Variants in PIWIL1 observed in about 807,000 individuals in gnomAD.
The protein encoded by PIWIL1 is piwi like RNA-mediated gene silencing 1, also known as piwi-like protein 1.
PIWIL1 carries 73 observed loss-of-function variants against 114.4 expected under a neutral mutation model. The observed-to-expected ratio is 0.64, with a 90% CI of 0.53 to 0.78. PIWIL1 has a LOEUF of 0.78. Ranked by LOEUF, PIWIL1 falls within the 30% of genes least tolerant of loss-of-function variation. The pLI is 0.00. For missense variants in PIWIL1, 723 were observed against 1,063.1 expected, an observed-to-expected ratio of 0.68 and a Z score of 4.45; for synonymous variants, 375 against 369.0, an observed-to-expected ratio of 1.02 and a Z score of -0.19.
chr12:130,421,143 C>T, the PIWIL1 span: 2 of 152,066 alleles, frequency 1.3e-5, no homozygotes, highest in Admixed American at 6.5e-5. Flanking sequence ...CCAGGAGAAC[C>T]GATTTATTAA....
chr12:130,408,423 G>A, the PIWIL1 span, among the ~76,000 whole-genome samples: 8 of 152,288 alleles, frequency 5.3e-5, no homozygotes, highest in East Asian at 1.9e-4. Context: ...GTTTAGCAGC[G>A]GCCGTAGAGA....
chr12:130,380,445 A>G, the PIWIL1 span, among the ~76,000 whole-genome samples: 80 of 152,344 alleles, frequency 5.3e-4, no homozygotes, highest in South Asian at 1.5e-3. Context: ...AGAAGGGGAA[A>G]TTGCTGAGCC....
Position 130,345,829 on chromosome 12 carries a change from T to C in PIWIL1, c.267T>C (p.Leu89=). ...GTCGTCGTAGAGATTTTCATGATCT[T>C]GGTGTGAATACAAGGCAGAACCTAG... The part of the protein sequence containing the change: ...RGGRRRDFHD[L]GVNTRQNLDH... Residue 89 remains leucine, a synonymous_variant, in exon 4 of 21, where the codon CTT becomes CTC. Transcript: ENST00000245255. The C allele has an allele frequency of 6.2e-7, 1 of 1,613,986 alleles. No homozygotes were observed. The highest frequency in any genetic ancestry group is 8.5e-7 in the Non-Finnish European group (1 of 1,179,888).
intron 13 of PIWIL1, 118 bp from the exon 14 acceptor site, chr12:130,357,363 C>A: frequency 1.3e-6 from 1 of 753,694 alleles, no homozygotes; most frequent in Non-Finnish European, 2.2e-6. Context: ...TGGCTAGTCT[C>A]GGTGTTTGAT....
intron 9 of PIWIL1, among the ~76,000 whole-genome samples, chr12:130,352,432 A>C (rs902707343): frequency 6.6e-6 from 1 of 152,178 alleles, no homozygotes; most frequent in Non-Finnish European, 1.5e-5. Context: ...CAATCCCAGC[A>C]CTCTGGGAGG....
chr12:130,397,768 G>A, the PIWIL1 span: 5 of 357,406 alleles, frequency 1.4e-5, no homozygotes, highest in African/African-American at 8.4e-5. Context: ...TCTCTGTCTC[G>A]AGGGAGTGCG....
In PIWIL1 at chr12:130,346,254, G is replaced by A. The variant is rs2073064904; in HGVS notation, c.317-116G>A. Reference sequence around the variant, plus strand: ...TCAGATGTCTGAGGACTTTCATGTTGTCTGCTGCTCTTAGCCTTGTGTTTA... The same window carrying A: ...TCAGATGTCTGAGGACTTTCATGTTATCTGCTGCTCTTAGCCTTGTGTTTA... On this transcript the variant is annotated intron_variant, in intron 4 of 20. Coordinates refer to ENST00000245255, the MANE Select transcript of PIWIL1 (RefSeq NM_004764.5). 4 of 718,086 alleles carry A rather than the reference G, an allele frequency of 5.6e-6. No homozygotes were observed. The Admixed American group carries it at 1.1e-4, about 19-fold the overall frequency. 44.5% of individuals were successfully genotyped at this position (718,086 alleles called of 1,614,324 possible). A position where few individuals can be genotyped will look rare whatever the true frequency, so the allele number is the denominator to read the frequency against.
At position 130,349,219 on chromosome 12, in the gene PIWIL1, AC is replaced by A; in HGVS notation, c.735-15del. ...GTTGAATGTGGAGAGGTTCTTCATG[AC>A]CCCCATCTCGTCTGACAGGTTGGTG... On this transcript the variant is annotated intron_variant, in intron 7 of 20. Coordinates refer to ENST00000245255, the MANE Select transcript of PIWIL1 (RefSeq NM_004764.5). 1.3e-6 allele frequency: 2 copies of A among 1,598,076 alleles called. No individual in the cohort carries two copies. Among genetic ancestry groups the A allele is most frequent in the Non-Finnish European group, 1.7e-6 (2 of 1,166,150 alleles).
At chr12:130,413,404 C>G in the PIWIL1 span, among the ~76,000 whole-genome samples, 2 of 152,074 alleles carry the variant, frequency 1.3e-5, no homozygotes, top group African/African-American at 4.8e-5. Flanking sequence ...CCAAGGCGGG[C>G]AGATCACTTA....
chr12:130,354,406 C>A, intron 9 of PIWIL1, 131 bp from the exon 10 acceptor site: 1 of 1,168,988 alleles, frequency 8.6e-7, no homozygotes, highest in Non-Finnish European at 1.2e-6. Context: ...TAAAACTTTA[C>A]TCTGAAGCTA....
At chr12:130,396,438 T>TGTAAGTAA in the PIWIL1 span, 1 of 152,658 alleles carries the variant, frequency 6.6e-6, no homozygotes, top group African/African-American at 2.4e-5. Context: ...CCAGCAACTT[T>TGTAAGTAA]GTAAGTAAGT....
intron 16 of PIWIL1, among the ~76,000 whole-genome samples, chr12:130,362,114 GTT>G (rs1281548573): frequency 6.6e-6 from 1 of 152,174 alleles, no homozygotes; most frequent in African/African-American, 2.4e-5. Context: ...GCATGTGCAG[GTT>G]TGTTACATAG....
At chr12:130,349,600 A>T (rs899063697) in intron 8 of PIWIL1, among the ~76,000 whole-genome samples, 164 bp downstream of exon 8, 17 of 152,206 alleles carry the variant, frequency 1.1e-4, no homozygotes, top group African/African-American at 3.4e-4. Context: ...AGTTTTGGAG[A>T]TGACATAACT....
At chr12:130,424,178 G>T in the PIWIL1 span, 1 of 1,232,208 alleles carries the variant, frequency 8.1e-7, no homozygotes. This position sits in a 1 kb window ranked among gnomAD's most constrained non-coding sequence, Gnocchi z 9.8. Flanking sequence ...GTGGCTTTGC[G>T]TGGGGGGCAG....
chr12:130,342,850 A>C, intron 2 of PIWIL1, 140 bp from the exon 3 acceptor site: 1 of 744,552 alleles, frequency 1.3e-6, no homozygotes, highest in Non-Finnish European at 2.3e-6. Flanking sequence ...CTCTTCTCTC[A>C]AATTTATTTT....
At chr12:130,342,319 C>T in intron 1 of PIWIL1, 2 of 471,806 alleles carry the variant, frequency 4.2e-6, no homozygotes, top group Admixed American at 3.6e-5. Context: ...ATAAATAATC[C>T]AAATGAAAAA....
rs1156274847 is a variant in PIWIL1, at chr12:130,357,488, G to A, written c.1600G>A (p.Val534Met). 7.4e-6 allele frequency: 12 copies of A among 1,612,512 alleles called. No individual in the cohort carries two copies. Among genetic ancestry groups the A allele is most frequent in the Non-Finnish European group, 1.0e-5 (12 of 1,178,724 alleles). The change falls in exon 14 of 21, where the codon GTG becomes ATG. Residue 534 changes from valine to methionine, a missense_variant. This residue lies in a region of PIWIL1 where 298 missense variants were observed against 420.8 expected (regional missense o/e 0.71). Transcript: ENST00000245255. ...TGTGTACTTTCATTCTAGGATTGAA[G>A]TGGATGACAGAACTGAAGCCTACTT... Reference protein sequence around the residue: ...MQMRKAIMIEVDDRTEAYLRV... With the variant: ...MQMRKAIMIEMDDRTEAYLRV...
Position 130,342,665 on chromosome 12 carries a change from C to T in PIWIL1, c.74C>T (p.Thr25Ile), listed in dbSNP as rs772179478. Residue 25 changes from threonine (T) to isoleucine (I), a missense_variant, in exon 2 of 21, where the codon ACT (threonine) becomes ATT (isoleucine). Transcript: ENST00000245255. Reference protein sequence around the residue: ...GQETAQLVGSTASQQPGYIQP... With the variant: ...GQETAQLVGSIASQQPGYIQP... ...GAGACAGCGCAGCTGGTGGGCTCCA[C>T]TGCCGTGAGTGCTTCACCGTTTCTG... 4 of 1,611,002 alleles carry T rather than the reference C, an allele frequency of 2.5e-6. No individual in the cohort carries two copies. The highest frequency in any genetic ancestry group is 2.2e-5 in the East Asian group (1 of 44,860).
At chr12:130,408,157 C>T in the PIWIL1 span, among the ~76,000 whole-genome samples, 2 of 152,212 alleles carry the variant, frequency 1.3e-5, no homozygotes, top group African/African-American at 4.8e-5. Context: ...CTTTGGCCAG[C>T]ACGGGGAGGC....
Sources: gnomAD v4.1 joint callset for allele counts (sites outside exome capture counted in the v4.1 genomes callset) on GRCh38, gnomAD v4.1.1 for gene constraint, gnomAD v4.1.1 regional missense constraint, Gnocchi (gnomAD v3.1) non-coding constraint, MANE v1.5 for transcripts, NCBI Gene and HGNC (gene_info 2026-07-23, HGNC 2026-07-21) for gene names.